The following PDGFRL variants were observed in gnomAD, a reference collection of about 807,000 sequenced individuals.
The protein encoded by PDGFRL is platelet derived growth factor receptor like.
In PDGFRL, 46 loss-of-function variants were observed where a neutral mutation model predicts 37.2. The observed-to-expected ratio is 1.24, with a 90% CI of 0.98 to 1.58. The LOEUF (loss-of-function observed/expected upper bound fraction) is 1.58. Ranked by LOEUF, PDGFRL falls within the 40% of genes most tolerant of loss-of-function variation. The probability of loss-of-function intolerance (pLI) is 0.00; values close to 1 mark genes in which losing one functional copy is unlikely to be tolerated. For synonymous variants in PDGFRL, 251 were observed against 184.3 expected (o/e 1.36, Z -2.93); for missense variants, 692 against 467.6 (o/e 1.48, Z -4.43).
At chr8:17,599,093 C>G (rs1195483671) in intron 2 of PDGFRL, among the ~76,000 whole-genome samples, 1 of 152,188 alleles carries the variant, frequency 6.6e-6, no homozygotes, top group African/African-American at 2.4e-5. Context: ...TCCCTTCTCC[C>G]TCTTTATCCA....
At chr8:17,592,621 G>C (rs1215187042) in intron 2 of PDGFRL, among the ~76,000 whole-genome samples, 1 of 152,148 alleles carries the variant, frequency 6.6e-6, no homozygotes, top group Non-Finnish European at 1.5e-5. Flanking sequence ...GGCTCCTGGG[G>C]ACTTCGAGTT....
At chr8:17,596,316 C>T (rs757286002) in intron 2 of PDGFRL, 38 of 1,227,380 alleles carry the variant, frequency 3.1e-5, no homozygotes, top group Non-Finnish European at 3.8e-5. Flanking sequence ...TGCTCACAGG[C>T]ACATGGGCTG....
chr8:17,590,786 A>C (rs1803920096), intron 2 of PDGFRL, among the ~76,000 whole-genome samples: 1 of 152,154 alleles, frequency 6.6e-6, no homozygotes, highest in Non-Finnish European at 1.5e-5. Context: ...AGTAATCATA[A>C]TGAAAACTGA....
At chr8:17,605,007 C>T (rs1344364511) in intron 2 of PDGFRL, among the ~76,000 whole-genome samples, 4 of 151,926 alleles carry the variant, frequency 2.6e-5, no homozygotes, top group East Asian at 1.9e-4. Context: ...GTCGTAGCTA[C>T]CTGGGAGGCT....
Position 17,634,090 on chromosome 8 carries a change from C to G in PDGFRL, c.816C>G (p.Pro272=). 6.2e-7 allele frequency: 1 copy of G among 1,614,142 alleles called. No individual in the cohort carries two copies. The highest frequency in any genetic ancestry group is 8.5e-7 in the Non-Finnish European group (1 of 1,179,950). Residue 272 remains proline, a synonymous_variant, in exon 5 of 6, where the codon CCC becomes CCG. Coordinates refer to ENST00000251630, the MANE Select transcript of PDGFRL (RefSeq NM_001372073.1). ...LLYVAVPSGP[P]STTILASSNK... The stretch of plus-strand genomic sequence containing the variant: ...TGCTTCCAGTTCCCAGTGGCCCTCC[C>G]TCAACAACCATCTTGGCTTCTTCAA...
At chr8:17,580,189 C>G (rs1563501208) in intron 1 of PDGFRL, among the ~76,000 whole-genome samples, 2 of 152,062 alleles carry the variant, frequency 1.3e-5, no homozygotes, top group Admixed American at 6.5e-5. Context: ...GGGTTTCTTT[C>G]TTGGAGGACT....
intron 4 of PDGFRL, 33 bp from the exon 5 acceptor site, chr8:17,634,041 G>A (rs201484559): frequency 6.2e-7 from 1 of 1,609,990 alleles, no homozygotes; most frequent in Non-Finnish European, 8.5e-7. Context: ...TACACTCGGG[G>A]TCTCACTCTG....
chr8:17,581,817 T>C (rs559236004), intron 1 of PDGFRL, among the ~76,000 whole-genome samples: 1 of 152,270 alleles, frequency 6.6e-6, no homozygotes, highest in African/African-American at 2.4e-5. Context: ...ATAAACCTCT[T>C]TTCTTTATAA....
chr8:17,577,120 CT>C, upstream of PDGFRL: 1 of 1,260,958 alleles, frequency 7.9e-7, no homozygotes, highest in Non-Finnish European at 1.0e-6. Flanking sequence ...TCCCCCAAAC[CT>C]TGTTCCTCCT....
chr8:17,612,701 C>A (rs186555922), intron 2 of PDGFRL, among the ~76,000 whole-genome samples: 1 of 152,106 alleles, frequency 6.6e-6, no homozygotes, highest in Non-Finnish European at 1.5e-5. Context: ...TAAAATAACA[C>A]ATACTTATTT....
At chr8:17,607,251 A>G (rs748720630) in intron 2 of PDGFRL, among the ~76,000 whole-genome samples, 32 of 152,020 alleles carry the variant, frequency 2.1e-4, no homozygotes, top group Admixed American at 6.6e-5. Context: ...TGCTCATACT[A>G]ATGGTCCCAA....
intron 2 of PDGFRL, among the ~76,000 whole-genome samples, chr8:17,610,280 T>G (rs542144882): frequency 1.3e-4 from 20 of 152,334 alleles, no homozygotes; most frequent in African/African-American, 3.6e-4. Flanking sequence ...GATGAGCTTC[T>G]GCTACATGGT....
At position 17,621,161 on chromosome 8, in the gene PDGFRL, A is replaced by G; in HGVS notation, c.464A>G (p.Lys155Arg). The change falls in exon 3 of 6, where the codon AAG becomes AGG. Residue 155 changes from lysine to arginine, a missense_variant. Lys to Arg is a conservative substitution (Grantham distance 26). Transcript: ENST00000251630. ...VQLCSGYICR[K>R]DEAKTGSTYI... ...CTCTGCAGCGGCTACATCTGCAGGA[A>G]GGACGAGGCCAAAACGGGCTCCACC... 6.2e-7 allele frequency: 1 copy of G among 1,611,496 alleles called. No homozygotes were observed. Among genetic ancestry groups the G allele is most frequent in the Non-Finnish European group, 8.5e-7 (1 of 1,178,164 alleles).
intron 5 of PDGFRL, among the ~76,000 whole-genome samples, chr8:17,638,467 T>C (rs1224094327): frequency 1.3e-5 from 2 of 152,030 alleles, no homozygotes; most frequent in Non-Finnish European, 2.9e-5. Flanking sequence ...GCTTATGATA[T>C]GGTCTCTCTT....
intron 3 of PDGFRL, among the ~76,000 whole-genome samples, chr8:17,622,411 T>C: frequency 1.6e-5 from 1 of 63,500 alleles, no homozygotes; most frequent in South Asian, 6.2e-4. Flanking sequence ...GACGTAGACC[T>C]AGACATAGGC....
intron 3 of PDGFRL, among the ~76,000 whole-genome samples, chr8:17,622,294 G>A (rs939673515): frequency 6.6e-5 from 10 of 152,298 alleles, no homozygotes; most frequent in South Asian, 2.1e-4. Flanking sequence ...AGCCACCCTC[G>A]TCCTATTGTC....
intron 1 of PDGFRL, among the ~76,000 whole-genome samples, chr8:17,582,456 C>A (rs1356135833): frequency 6.6e-6 from 1 of 151,880 alleles, no homozygotes; most frequent in African/African-American, 2.4e-5. Flanking sequence ...GTGGTGCGCA[C>A]CTGTAGTCCC....
intron 2 of PDGFRL, among the ~76,000 whole-genome samples, chr8:17,600,123 T>G (rs1804136970): frequency 6.6e-6 from 1 of 152,184 alleles, no homozygotes; most frequent in Non-Finnish European, 1.5e-5. Flanking sequence ...TTTTTTCTTT[T>G]TCCTATTCAT....
chr8:17,593,117 T>A (rs1490142814), intron 2 of PDGFRL, among the ~76,000 whole-genome samples: 1 of 152,108 alleles, frequency 6.6e-6, no homozygotes, highest in African/African-American at 2.4e-5. Context: ...TTCTTAAAGG[T>A]GAGTGGGCTG....
Sources: allele counts gnomAD v4.1 joint callset (sites outside exome capture counted in the v4.1 genomes callset), GRCh38; gene constraint gnomAD v4.1.1; transcripts MANE v1.5; gene names NCBI Gene and HGNC (gene_info 2026-07-23, HGNC 2026-07-21).